The following ROBO2 variants were observed in gnomAD, a reference collection of about 807,000 sequenced individuals.
The protein encoded by ROBO2 is roundabout homolog 2.
In ROBO2, 53 loss-of-function variants were observed where a neutral mutation model predicts 160.8. That is an observed-to-expected ratio of 0.33 (90% CI 0.26 to 0.41). The LOEUF (loss-of-function observed/expected upper bound fraction) is 0.41. ROBO2 is among the 10% of genes least tolerant of loss of function. The pLI is 1.00. For synonymous variants in ROBO2, 664 were observed against 611.7 expected (o/e 1.09, Z -1.26); for missense variants, 1,577 against 1,722.4 (o/e 0.92, Z 1.49).
intron 10 of ROBO2, 36 bp from the exon 12 acceptor site, chr3:77,563,131 A>G (rs2093378770): frequency 1.9e-6 from 3 of 1,608,328 alleles, no homozygotes; most frequent in South Asian, 2.2e-5. Flanking sequence ...AACTTATGCA[A>G]TCAGGAATGA....
intron 2 of ROBO2, among the ~76,000 whole-genome samples, chr3:76,567,637 A>G (rs1247747572): frequency 3.4e-5 from 3 of 88,570 alleles, no homozygotes; most frequent in South Asian, 4.0e-4. Context: ...ATATATATAT[A>G]TATATATATA....
chr3:77,478,420 A>G (rs1235941029), intron 3 of ROBO2, among the ~76,000 whole-genome samples: 1 of 152,222 alleles, frequency 6.6e-6, no homozygotes, highest in African/African-American at 2.4e-5. Flanking sequence ...CTGCATGTAG[A>G]AAAATAACTG....
intron 2 of ROBO2, among the ~76,000 whole-genome samples, chr3:77,372,166 G>C (rs796351322): frequency 1.1e-4 from 16 of 152,086 alleles, no homozygotes; most frequent in African/African-American, 3.6e-4. Flanking sequence ...GAGGGAGAGA[G>C]TGAAGATGTG....
At chr3:77,315,262 C>A (rs1039916326) in intron 2 of ROBO2, among the ~76,000 whole-genome samples, 1 of 152,144 alleles carries the variant, frequency 6.6e-6, no homozygotes, top group Non-Finnish European at 1.5e-5. Flanking sequence ...TGTACATAAA[C>A]AAGCACACAA....
At chr3:77,346,800 C>T (rs201932243) in intron 2 of ROBO2, among the ~76,000 whole-genome samples, 4 of 152,250 alleles carry the variant, frequency 2.6e-5, no homozygotes, top group East Asian at 1.9e-4. Context: ...TTTTCAAAGC[C>T]GGCAAAACGA....
chr3:76,880,735 T>C (rs17014874), intron 2 of ROBO2, among the ~76,000 whole-genome samples: 23,412 of 152,022 alleles, frequency 0.15, 2,166 homozygotes, highest in South Asian at 0.23. Context: ...TTAAATGGAG[T>C]AAAAGGTTCA....
Position 77,611,297 on chromosome 3 carries a change from C to CAA in ROBO2, c.3293+3356_3293+3357dup, listed in dbSNP as rs11330872. Among the ~76,000 whole-genome samples, 914 of 132,100 alleles carry CAA rather than the reference C, an allele frequency of 6.9e-3. 8 individuals are homozygous for CAA. Among genetic ancestry groups the CAA allele is most frequent in the Non-Finnish European group, 8.7e-3 (537 of 61,930 alleles). 86.7% of individuals were successfully genotyped at this position (132,100 alleles called of 152,430 possible). A position where few individuals can be genotyped will look rare whatever the true frequency, so the allele number is the denominator to read the frequency against. ...TGGGCGACAGAGCGAGACTCTGTCT[C>CAA]AAAAAAAAAAAAAAGAAAACTGCAT... On this transcript the variant is annotated intron_variant, in intron 21 of 25. Transcript: ENST00000461745.
intron 19 of ROBO2, among the ~76,000 whole-genome samples, chr3:77,599,704 A>G (rs1301967293): frequency 6.6e-6 from 1 of 152,156 alleles, no homozygotes; most frequent in Admixed American, 6.6e-5. Flanking sequence ...AAATGACAAT[A>G]CGTTTGAATG....
At chr3:76,997,863 G>T (rs909908244) in intron 2 of ROBO2, among the ~76,000 whole-genome samples, 1 of 152,130 alleles carries the variant, frequency 6.6e-6, no homozygotes, top group African/African-American at 2.4e-5. Flanking sequence ...CATGTCAGCT[G>T]GGAAATGGCC....
chr3:76,466,000 T>TGG (rs1453638468), intron 2 of ROBO2, among the ~76,000 whole-genome samples: 1 of 69,588 alleles, frequency 1.4e-5, no homozygotes, highest in Non-Finnish European at 3.4e-5. Flanking sequence ...AAAATATGGG[T>TGG]GTGTGTGTGT....
chr3:77,046,325 G>A (rs149973302), intron 1 of ROBO2, among the ~76,000 whole-genome samples: 237 of 152,312 alleles, frequency 1.6e-3, no homozygotes, highest in African/African-American at 5.4e-3. Flanking sequence ...ATACTAATCT[G>A]TCTCAAATCC....
At chr3:76,060,932 A>C (rs910396335) in intron 2 of ROBO2, among the ~76,000 whole-genome samples, 1 of 152,168 alleles carries the variant, frequency 6.6e-6, no homozygotes, top group Non-Finnish European at 1.5e-5. Context: ...CCTTGGACTC[A>C]GTCAGTGTTT....
chr3:77,048,375 A>G (rs920288261), intron 1 of ROBO2, among the ~76,000 whole-genome samples: 2 of 152,216 alleles, frequency 1.3e-5, no homozygotes, highest in Admixed American at 6.5e-5. Context: ...CCATTGCATC[A>G]TAAGCTGATT....
At chr3:76,419,179 AT>A (rs1168716441) in intron 2 of ROBO2, among the ~76,000 whole-genome samples, 2 of 152,176 alleles carry the variant, frequency 1.3e-5, no homozygotes, top group Non-Finnish European at 2.9e-5. Flanking sequence ...GTCAAAAATT[AT>A]GTCATCAAAT....
intron 2 of ROBO2, among the ~76,000 whole-genome samples, chr3:76,932,807 A>G (rs762261774): frequency 6.6e-6 from 1 of 152,164 alleles, no homozygotes; most frequent in Non-Finnish European, 1.5e-5. Flanking sequence ...CACAGTCCTG[A>G]AAGCAGCTCT....
At chr3:77,569,169 C>G (rs2093573607) in intron 13 of ROBO2, among the ~76,000 whole-genome samples, 1 of 151,966 alleles carries the variant, frequency 6.6e-6, no homozygotes, top group African/African-American at 2.4e-5. Flanking sequence ...TTGGTATAAA[C>G]CTACAAATTG....
At chr3:76,111,133 A>G (rs928355448) in intron 2 of ROBO2, among the ~76,000 whole-genome samples, 1 of 152,094 alleles carries the variant, frequency 6.6e-6, no homozygotes. Flanking sequence ...CTGGAGAAGG[A>G]GGGACCCTTA....
At chr3:76,784,958 C>T (rs960015480) in intron 2 of ROBO2, among the ~76,000 whole-genome samples, 4 of 151,058 alleles carry the variant, frequency 2.6e-5, no homozygotes, top group African/African-American at 9.7e-5. Context: ...TCAATGTGTC[C>T]ACTCTTGAAT....
At chr3:76,335,805 T>C (rs555195216) in intron 2 of ROBO2, among the ~76,000 whole-genome samples, 1 of 152,198 alleles carries the variant, frequency 6.6e-6, no homozygotes, top group African/African-American at 2.4e-5. Flanking sequence ...CTCGATCTCC[T>C]GACCTTGTGA....
Sources: allele counts gnomAD v4.1 joint callset (sites outside exome capture counted in the v4.1 genomes callset), GRCh38; gene constraint gnomAD v4.1.1; transcripts MANE v1.5; gene names NCBI Gene and HGNC (gene_info 2026-07-23, HGNC 2026-07-21).